BCL2L13: variants seen among roughly 807,000 people sequenced by gnomAD.
BCL2L13 encodes the protein bcl-2-like protein 13.
BCL2L13 carries 13 observed loss-of-function variants against 25.8 expected under a neutral mutation model. The ratio of observed to expected loss-of-function variants is 0.50; its 90% CI spans 0.33 to 0.80. The LOEUF is 0.80. Ranked by LOEUF, BCL2L13 falls within the 30% of genes least tolerant of loss-of-function variation. BCL2L13 has a pLI of 0.02. For synonymous variants in BCL2L13, 244 were observed against 230.3 expected, an observed-to-expected ratio of 1.06 and a Z score of -0.54; for missense variants, 504 against 574.9, an observed-to-expected ratio of 0.88 and a Z score of 1.26.
rs73378720 is a variant in BCL2L13, at chr22:17,681,976, G to C, written c.122-1238G>C. ...TGTGTATATACACATACATACATAC[G>C]TACGTACATGTACATACAAAGTGCT... On this transcript the variant is annotated intron_variant, in intron 2 of 6. Coordinates refer to ENST00000317582, the MANE Select transcript of BCL2L13 (RefSeq NM_015367.4). 2.7e-3 allele frequency among the ~76,000 whole-genome samples: 412 copies of C among 152,190 alleles called. 4 individuals carry two copies. Among genetic ancestry groups the C allele is most frequent in the African/African-American group, 9.6e-3 (397 of 41,514 alleles).
In BCL2L13 at chr22:17,630,262, C is replaced by CCAT. The variant is rs531607533; in HGVS notation, c.-650+1260_-650+1262dup. Among the ~76,000 whole-genome samples, 322 of 150,766 alleles carry CCAT rather than the reference C, an allele frequency of 2.1e-3. 4 individuals are homozygous for CCAT. Among genetic ancestry groups the CCAT allele is most frequent in the South Asian group, 0.011 (52 of 4,794 alleles). On this transcript the variant is annotated intron_variant, in intron 1 of 6. Transcript: ENST00000399782. ...AAACAAATTCCTTTGTCCCATCAATCCATCAATGTACTTTATAACCCTTTC... is the reference window on the plus strand; with the variant it reads ...AAACAAATTCCTTTGTCCCATCAATCCATCATCAATGTACTTTATAACCCTTTC...
chr22:17,706,902 A>G (rs2060610224), intron 6 of BCL2L13: 3 of 1,151,698 alleles, frequency 2.6e-6, no homozygotes, highest in Non-Finnish European at 3.6e-6. Context: ...AGATTCCATA[A>G]AAGATTACTG....
intron 3 of BCL2L13, among the ~76,000 whole-genome samples, chr22:17,688,765 G>GT (rs2060016990): frequency 7.1e-5 from 10 of 141,020 alleles, no homozygotes; most frequent in African/African-American, 2.5e-4. Flanking sequence ...TTTTGATATT[G>GT]TTGTTTTTTT....
At chr22:17,689,167 G>A (rs779350491) in intron 4 of BCL2L13, 25 bp downstream of exon 4, 3 of 1,610,072 alleles carry the variant, frequency 1.9e-6, no homozygotes, top group South Asian at 2.2e-5. Flanking sequence ...TGAGTGGGAT[G>A]TGCTTCTTTA....
chr22:17,698,646 T>G (rs1316503317), intron 5 of BCL2L13, among the ~76,000 whole-genome samples: 1 of 151,416 alleles, frequency 6.6e-6, no homozygotes, highest in African/African-American at 2.4e-5. Context: ...AGAGGATGGC[T>G]TGAGCCTGGG....
At chr22:17,702,637 A>G (rs1378962568) in intron 6 of BCL2L13, 3 of 294,680 alleles carry the variant, frequency 1.0e-5, no homozygotes, top group African/African-American at 6.5e-5. Flanking sequence ...ACTTTTTGAT[A>G]TGTAATTATT....
rs2061322328 is a variant in BCL2L13 at position 17,727,211 on chromosome 22, G to A, written c.1135G>A (p.Glu379Lys). 1 of 1,614,250 alleles carries A rather than the reference G, an allele frequency of 6.2e-7. No homozygotes were observed. The highest frequency in any genetic ancestry group is 8.5e-7 in the Non-Finnish European group (1 of 1,180,044). The change falls in exon 7 of 7, where the codon GAA (glutamate) becomes AAA (lysine). Residue 379 changes from glutamate (E) to lysine (K), a missense_variant. By Grantham distance (56) the Glu-to-Lys change is moderately conservative (BLOSUM62 1). Transcript: ENST00000317582. ...CAGCCCTGCTACATCTCTGTTTGTA[G>A]AACTTGATGAAGAAGAGGTGAAAGC... ...KSSPATSLFV[E>K]LDEEEVKAAT...
intron 2 of BCL2L13, among the ~76,000 whole-genome samples, chr22:17,682,410 A>G (rs2146710873): frequency 6.6e-6 from 1 of 152,324 alleles, no homozygotes; most frequent in South Asian, 2.1e-4. Flanking sequence ...CTAGAAGTAT[A>G]TCATCTAAAA....
At chr22:17,698,113 GC>G (rs1261475693) in intron 5 of BCL2L13, among the ~76,000 whole-genome samples, 2 of 151,156 alleles carry the variant, frequency 1.3e-5, no homozygotes, top group African/African-American at 4.9e-5. Flanking sequence ...ACTGTGCCTG[GC>G]CTTTTTTTTT....
chr22:17,648,550 TA>T (rs928238545), intron 1 of BCL2L13, among the ~76,000 whole-genome samples: 2 of 148,912 alleles, frequency 1.3e-5, no homozygotes, highest in African/African-American at 2.5e-5. Flanking sequence ...ATTTAAAAAT[TA>T]AAAAAAAAAG....
At chr22:17,680,139 C>CG (rs371832379) in intron 2 of BCL2L13, among the ~76,000 whole-genome samples, 9 of 141,072 alleles carry the variant, frequency 6.4e-5, no homozygotes, top group Admixed American at 3.1e-4. Flanking sequence ...GCTTGAACCC[C>CG]GGGGGGCGGA....
In BCL2L13 at chr22:17,728,079, T is replaced by TC; in HGVS notation, c.*545_*546insC. 1 of 158,080 alleles carries TC rather than the reference T, an allele frequency of 6.3e-6. No individual in the cohort carries two copies. The highest frequency in any genetic ancestry group is 5.9e-5 in the Admixed American group (1 of 16,894). 9.8% of individuals were successfully genotyped at this position (158,080 alleles called of 1,614,324 possible). A position where few individuals can be genotyped will look rare whatever the true frequency, so the allele number is the denominator to read the frequency against. ...TTCTTAGCTCTTAATCCCCTTAGAA[T>TC]TTCATCTTTCTCGATGAGCAGGCTC... On this transcript the variant is annotated 3_prime_UTR_variant, in exon 7 of 7. Coordinates refer to ENST00000317582, the MANE Select transcript of BCL2L13 (RefSeq NM_015367.4).
At chr22:17,641,077 A>G (rs1343229617) in intron 1 of BCL2L13, among the ~76,000 whole-genome samples, 1 of 151,822 alleles carries the variant, frequency 6.6e-6, no homozygotes, top group Non-Finnish European at 1.5e-5. Flanking sequence ...TTTTTAGTAG[A>G]GACGGGGTTT....
chr22:17,629,476 T>C (rs1400769084), intron 1 of BCL2L13, among the ~76,000 whole-genome samples: 1 of 152,086 alleles, frequency 6.6e-6, no homozygotes, highest in African/African-American at 2.4e-5. Flanking sequence ...CCTTCCCAGG[T>C]CCCATTTAGA....
rs140442307 is a variant in BCL2L13, at chr22:17,632,129, A to G, written c.-650+3124A>G. Among the ~76,000 whole-genome samples, 1,165 of 152,238 alleles carry G rather than the reference A, an allele frequency of 7.7e-3. 14 individuals are homozygous for G. Among genetic ancestry groups the G allele is most frequent in the African/African-American group, 0.026 (1,100 of 41,534 alleles). ...ACAGATTGGTATACATATTTGGTAT[A>G]CATATTTGAGAATACTGATAATGCT... On this transcript the variant is annotated intron_variant, in intron 1 of 6. Coordinates refer to the BCL2L13 transcript ENST00000399782.
At position 17,689,009 on chromosome 22, in the gene BCL2L13, C is replaced by A. The variant is rs1253768070; in HGVS notation, c.253C>A (p.Arg85Ser). Residue 85 changes from arginine (R) to serine (S), a missense_variant, in exon 4 of 7, where the codon CGT becomes AGT. Coordinates refer to ENST00000317582, the MANE Select transcript of BCL2L13 (RefSeq NM_015367.4). Reference sequence around the variant, plus strand: ...AGCCTTCACCAGCACAGGCTTTGACCGTCACACTTCTCCAGTGTTCAGCCC... The same window carrying A: ...AGCCTTCACCAGCACAGGCTTTGACAGTCACACTTCTCCAGTGTTCAGCCC... ...SEAFTSTGFDRHTSPVFSPAN... is the reference protein window; with the variant it reads ...SEAFTSTGFDSHTSPVFSPAN... 1 of 1,613,892 alleles carries A rather than the reference C, an allele frequency of 6.2e-7. No individual in the cohort carries two copies. Among genetic ancestry groups the A allele is most frequent in the Non-Finnish European group, 8.5e-7 (1 of 1,179,888 alleles).
At chr22:17,705,039 G>T (rs1408792683) in intron 6 of BCL2L13, among the ~76,000 whole-genome samples, 1 of 151,598 alleles carries the variant, frequency 6.6e-6, no homozygotes, top group African/African-American at 2.4e-5. Context: ...TTTTTTAGGG[G>T]GCACATTTTG....
intron 1 of BCL2L13, among the ~76,000 whole-genome samples, chr22:17,639,104 C>T (rs530396945): frequency 7.2e-5 from 11 of 152,336 alleles, no homozygotes; most frequent in African/African-American, 2.6e-4. Flanking sequence ...CGCGCGGCCC[C>T]GCCGCTGAGC....
chr22:17,715,668 T>C (rs910002876), intron 6 of BCL2L13, among the ~76,000 whole-genome samples: 2 of 152,200 alleles, frequency 1.3e-5, no homozygotes, highest in Non-Finnish European at 2.9e-5. Context: ...GTATGTTTTA[T>C]AGCAAGGAGT....
Sources: allele counts gnomAD v4.1 joint callset (sites outside exome capture counted in the v4.1 genomes callset), GRCh38; gene constraint gnomAD v4.1.1; transcripts MANE v1.5; gene names NCBI Gene and HGNC (gene_info 2026-07-23, HGNC 2026-07-21).